The following ALMS1 variants were observed in gnomAD, a reference collection of about 807,000 sequenced individuals.
The protein encoded by ALMS1 is ALMS1 centrosome and basal body associated protein.
A neutral mutation model predicts 352.2 loss-of-function variants in ALMS1; 271 were observed. The observed-to-expected ratio is 0.77, with a 90% CI of 0.70 to 0.85. The LOEUF is 0.85. ALMS1 is among the 40% of genes least tolerant of loss of function. The probability of loss-of-function intolerance (pLI) is 0.00; values close to 1 mark genes in which losing one functional copy is unlikely to be tolerated. For synonymous variants in ALMS1, 1,865 were observed against 1,761.2 expected, an observed-to-expected ratio of 1.06 and a Z score of -1.48; for missense variants, 5,445 against 4,870.7, an observed-to-expected ratio of 1.12 and a Z score of -3.51.
intron 19 of ALMS1, among the ~76,000 whole-genome samples, chr2:73,601,652 C>T (rs908902747): frequency 3.9e-5 from 6 of 152,210 alleles, no homozygotes; most frequent in African/African-American, 1.2e-4. Flanking sequence ...GCATCACCGT[C>T]GGGATCTGGG....
At chr2:73,541,038 G>T (rs543152878) in intron 12 of ALMS1, among the ~76,000 whole-genome samples, 1 of 152,288 alleles carries the variant, frequency 6.6e-6, no homozygotes, top group African/African-American at 2.4e-5. Flanking sequence ...GACATCTACA[G>T]AACTCTCCAC....
chr2:73,587,610 C>T (rs1675339490), intron 16 of ALMS1, among the ~76,000 whole-genome samples: 1 of 152,192 alleles, frequency 6.6e-6, no homozygotes, highest in Non-Finnish European at 1.5e-5. Flanking sequence ...GCCATCCCTG[C>T]ATCCCTGGTA....
rs1672944551 is a variant in ALMS1 at position 73,490,097 on chromosome 2, C to T, written c.8138C>T (p.Thr2713Ile). The T allele has an allele frequency of 1.9e-6, 3 of 1,614,034 alleles. No homozygotes were observed. The African/African-American group carries it at 4.0e-5, about 22-fold the overall frequency. The change falls in exon 10 of 23, where the codon ACC (threonine) becomes ATC (isoleucine). Residue 2713 changes from threonine (T) to isoleucine (I), a missense_variant. Thr to Ile is a moderately conservative substitution (Grantham distance 89). Transcript: ENST00000613296. ...CCAGAACCCATGAAAAAGTTTACTA[C>T]CTCCATCACTTTTTCATCTCACCGA... is the stretch of plus-strand genomic sequence containing the variant. The part of the protein sequence containing the change: ...PSPEPMKKFT[T>I]SITFSSHRHS...
At chr2:73,432,631 C>G (rs1671523027) in intron 7 of ALMS1, among the ~76,000 whole-genome samples, 1 of 151,168 alleles carries the variant, frequency 6.6e-6, no homozygotes, top group African/African-American at 2.5e-5. Flanking sequence ...GGGGGTCTCT[C>G]TGGAGTCGTT....
intron 21 of ALMS1, chr2:73,603,988 C>T (rs1218821027): frequency 6.6e-6 from 1 of 152,328 alleles, no homozygotes; most frequent in Non-Finnish European, 1.5e-5. Flanking sequence ...TTCTCCAGAA[C>T]ACAGTAAGTT....
intron 10 of ALMS1, among the ~76,000 whole-genome samples, chr2:73,512,807 T>C (rs1673479240): frequency 6.6e-6 from 1 of 152,172 alleles, no homozygotes; most frequent in Non-Finnish European, 1.5e-5. Flanking sequence ...GCACAAGATA[T>C]TTCAGGCTCA....
At chr2:73,522,809 G>A (rs528892470) in intron 11 of ALMS1, among the ~76,000 whole-genome samples, 1 of 152,192 alleles carries the variant, frequency 6.6e-6, no homozygotes, top group South Asian at 2.1e-4. Flanking sequence ...TTTCTTTAGA[G>A]GTCACTTTGC....
chr2:73,439,186 A>G (rs987108235), intron 7 of ALMS1, among the ~76,000 whole-genome samples: 2 of 146,894 alleles, frequency 1.4e-5, no homozygotes, highest in African/African-American at 5.1e-5. Flanking sequence ...TGATATGATC[A>G]TAGCTCCACA....
intron 1 of ALMS1, among the ~76,000 whole-genome samples, chr2:73,394,816 CTA>C (rs1313028078): frequency 6.6e-6 from 1 of 151,872 alleles, no homozygotes; most frequent in Admixed American, 6.6e-5. Context: ...CACACCTAGG[CTA>C]TATAGTCTAA....
chr2:73,449,153 C>T lies in ALMS1; in HGVS notation c.2626C>T (p.Pro876Ser). The change falls in exon 8 of 23, where the codon CCC becomes TCC. Residue 876 changes from proline to serine, a missense_variant. Coordinates refer to ENST00000613296, the MANE Select transcript of ALMS1 (RefSeq NM_001378454.1). ...CAGTGCTTTCTATCAGCAGACCTTA[C>T]CCAATAGTCATCTAACTGAAGAGGC... is the stretch of plus-strand genomic sequence containing the variant. The part of the protein sequence containing the change: ...KPSAFYQQTL[P>S]NSHLTEEALK... 1 of 1,614,062 alleles carries T rather than the reference C, an allele frequency of 6.2e-7. No individual in the cohort carries two copies. Among genetic ancestry groups the T allele is most frequent in the Non-Finnish European group, 8.5e-7 (1 of 1,179,976 alleles).
chr2:73,537,031 G>C (rs1674043797), intron 12 of ALMS1, among the ~76,000 whole-genome samples: 1 of 152,084 alleles, frequency 6.6e-6, no homozygotes, highest in African/African-American at 2.4e-5. Context: ...CCAAAGAATT[G>C]TTAATATTTG....
rs79876188 is a variant in ALMS1 at position 73,412,192 on chromosome 2, G to A, written c.450+3445G>A. Among the ~76,000 whole-genome samples the A allele has an allele frequency of 1.5e-4, 23 of 152,304 alleles. No individual in the cohort carries two copies. The East Asian group carries it at 4.4e-3, about 29-fold the overall frequency. On this transcript the variant is annotated intron_variant, in intron 2 of 22. Coordinates refer to ENST00000613296, the MANE Select transcript of ALMS1 (RefSeq NM_001378454.1). ...GTCACCACCACATTTGAGATAGACA[G>A]CACTGCCTTCACAAAAAGGAACGTC...
intron 3 of ALMS1, among the ~76,000 whole-genome samples, chr2:73,419,669 A>C (rs956654897): frequency 6.6e-6 from 1 of 152,170 alleles, no homozygotes; most frequent in South Asian, 2.1e-4. Flanking sequence ...TCCCCCACAA[A>C]AAACAAAAAA....
At chr2:73,584,002 A>G (rs181924234) in intron 16 of ALMS1, among the ~76,000 whole-genome samples, 24 of 152,138 alleles carry the variant, frequency 1.6e-4, no homozygotes, top group Admixed American at 7.9e-4. Context: ...GCTATTTCCA[A>G]TCTTTTTTGT....
intron 10 of ALMS1, among the ~76,000 whole-genome samples, chr2:73,517,413 C>G (rs1249819163): frequency 6.6e-6 from 1 of 151,632 alleles, no homozygotes; most frequent in Non-Finnish European, 1.5e-5. Flanking sequence ...GCCACTGTGC[C>G]TATTTTTTTT....
At position 73,572,126 on chromosome 2, in the gene ALMS1, A is replaced by G. The variant is rs1674941535; in HGVS notation, c.10385-136A>G. The G allele has an allele frequency of 4.2e-6, 3 of 722,532 alleles. No homozygotes were observed. The South Asian group carries it at 6.5e-5, about 16-fold the overall frequency. The allele number at this position is 722,532 out of a possible 1,614,324, so 44.8% of individuals were successfully genotyped here. On this transcript the variant is annotated intron_variant, in intron 15 of 22. Transcript: ENST00000613296. ...CAAGGCATCAGTCTTTTGTGCAGGC[A>G]GTGAATTTTCTGATACCTTATATAA...
At chr2:73,428,951 C>G (rs1259133395) in intron 6 of ALMS1, among the ~76,000 whole-genome samples, 4 of 152,018 alleles carry the variant, frequency 2.6e-5, no homozygotes, top group Non-Finnish European at 5.9e-5. Flanking sequence ...TGGGTATCCA[C>G]GTATGTATGA....
chr2:73,478,443 A>G (rs1176058470), intron 9 of ALMS1, among the ~76,000 whole-genome samples: 1 of 152,150 alleles, frequency 6.6e-6, no homozygotes, highest in Non-Finnish European at 1.5e-5. Flanking sequence ...ATATTTTGGG[A>G]TGAGTATAAA....
At chr2:73,541,822 A>T (rs1353768755) in intron 12 of ALMS1, among the ~76,000 whole-genome samples, 1 of 152,258 alleles carries the variant, frequency 6.6e-6, no homozygotes, top group Non-Finnish European at 1.5e-5. Context: ...AACCAGGAAG[A>T]AGTTGAATCT....
Sources: gnomAD v4.1 joint callset for allele counts (sites outside exome capture counted in the v4.1 genomes callset) on GRCh38, gnomAD v4.1.1 for gene constraint, MANE v1.5 for transcripts, NCBI Gene and HGNC (gene_info 2026-07-23, HGNC 2026-07-21) for gene names.